Variants in RASAL2 observed in about 807,000 individuals in gnomAD.
RASAL2 encodes RAS protein activator like 2, also known as ras GTPase-activating protein nGAP.
A neutral mutation model predicts 128.9 loss-of-function variants in RASAL2; 58 were observed. That is an observed-to-expected ratio of 0.45 (90% CI 0.36 to 0.56). The LOEUF (loss-of-function observed/expected upper bound fraction) is 0.56. RASAL2 is among the 20% of genes least tolerant of loss of function. RASAL2 has a pLI of 0.00. For synonymous variants in RASAL2, 561 were observed against 580.8 expected, an observed-to-expected ratio of 0.97 and a Z score of 0.49; for missense variants, 1,360 against 1,601.6, an observed-to-expected ratio of 0.85 and a Z score of 2.57.
chr1:178,256,387 A>G (rs1015691681), intron 1 of RASAL2, among the ~76,000 whole-genome samples: 2 of 152,228 alleles, frequency 1.3e-5, no homozygotes, highest in African/African-American at 4.8e-5. Flanking sequence ...TACAGCTAAT[A>G]TCATACTTAA....
At chr1:178,207,498 T>C (rs1375405557) in intron 1 of RASAL2, among the ~76,000 whole-genome samples, 1 of 152,216 alleles carries the variant, frequency 6.6e-6, no homozygotes, top group Non-Finnish European at 1.5e-5. Flanking sequence ...TACTACGACA[T>C]TTTATGTAAA....
chr1:178,249,648 G>A (rs1664948728), intron 1 of RASAL2, among the ~76,000 whole-genome samples: 1 of 152,058 alleles, frequency 6.6e-6, no homozygotes, highest in African/African-American at 2.4e-5. Context: ...CAGCATTTTT[G>A]CTCTGGTTTT....
intron 1 of RASAL2, among the ~76,000 whole-genome samples, chr1:178,120,014 C>G (rs1300135172): frequency 1.3e-5 from 2 of 152,226 alleles, no homozygotes; most frequent in Admixed American, 1.3e-4. Context: ...GAATGATGCT[C>G]TCAGTGCAGA....
At chr1:178,434,663 G>A (rs1045822572) in intron 5 of RASAL2, among the ~76,000 whole-genome samples, 5 of 152,006 alleles carry the variant, frequency 3.3e-5, no homozygotes, top group African/African-American at 1.2e-4. Flanking sequence ...ACTACAGCAG[G>A]TAAACCAGCT....
At chr1:178,440,903 G>T (rs898856009) in intron 6 of RASAL2, among the ~76,000 whole-genome samples, 1 of 146,314 alleles carries the variant, frequency 6.8e-6, no homozygotes. Flanking sequence ...ACAGTCTCAA[G>T]AAATCTGATA....
At chr1:178,424,267 G>A (rs1675364381) in intron 5 of RASAL2, among the ~76,000 whole-genome samples, 1 of 151,214 alleles carries the variant, frequency 6.6e-6, no homozygotes, top group African/African-American at 2.4e-5. Flanking sequence ...TTTGGATACG[G>A]AGTCTCACTC....
chr1:178,122,086 C>G (rs1292577477), intron 1 of RASAL2, among the ~76,000 whole-genome samples: 1 of 152,102 alleles, frequency 6.6e-6, no homozygotes, highest in Non-Finnish European at 1.5e-5. Flanking sequence ...ATCTTGAAAA[C>G]AAAGGACATG....
intron 3 of RASAL2, among the ~76,000 whole-genome samples, chr1:178,354,638 T>C (rs769909438): frequency 3.3e-5 from 5 of 152,160 alleles, no homozygotes; most frequent in Non-Finnish European, 5.9e-5. Context: ...GATAACAAGA[T>C]CCATAAACAA....
intron 1 of RASAL2, among the ~76,000 whole-genome samples, chr1:178,192,732 G>A (rs903092909): frequency 1.3e-5 from 2 of 152,170 alleles, no homozygotes; most frequent in African/African-American, 4.8e-5. Context: ...TTTTTGATCT[G>A]TATCTAAGTA....
Position 178,197,613 on chromosome 1 carries a change from A to G in RASAL2, c.203-85951A>G, listed in dbSNP as rs1048447537. Among the ~76,000 whole-genome samples, 828 of 103,922 alleles carry G rather than the reference A, an allele frequency of 8.0e-3. 9 individuals carry two copies. The highest frequency in any genetic ancestry group is 0.04 in the African/African-American group (764 of 19,248). The allele number at this position is 103,922 out of a possible 152,430, so 68.2% of individuals were successfully genotyped here. On this transcript the variant is annotated intron_variant, in intron 1 of 17. Transcript: ENST00000367649. ...AACAGAGCTAGACTCCATCTGGGGA[A>G]AAAAAAAAAAAAAAAAAAGTTAAAC... is the stretch of plus-strand genomic sequence containing the variant.
At chr1:178,102,792 G>C (rs1658952875) in intron 1 of RASAL2, among the ~76,000 whole-genome samples, 2 of 152,148 alleles carry the variant, frequency 1.3e-5, no homozygotes, top group South Asian at 4.2e-4. Context: ...CTTCCTCCCT[G>C]CCTCTACAAC....
intron 3 of RASAL2, among the ~76,000 whole-genome samples, chr1:178,312,341 G>A (rs936818112): frequency 6.6e-6 from 1 of 152,072 alleles, no homozygotes; most frequent in African/African-American, 2.4e-5. Flanking sequence ...GAAAGGCTGC[G>A]GACTTACAAT....
intron 15 of RASAL2, 43 bp from the exon 16 acceptor site, chr1:178,465,877 C>G: frequency 7.4e-7 from 1 of 1,356,192 alleles, no homozygotes; most frequent in Non-Finnish European, 9.9e-7. Context: ...TTTCTAAAAG[C>G]AATGTGACTC....
rs557366527 is a variant in RASAL2 at position 178,135,352 on chromosome 1, C to G, written c.202+40658C>G. On this transcript the variant is annotated intron_variant, in intron 1 of 17. Transcript: ENST00000367649. ...TAAAGTTTATACTTTCTATTTTCAT[C>G]TAATTCCATTTTTTCCACAAACTTT... Among the ~76,000 whole-genome samples the G allele has an allele frequency of 5.0e-4, 76 of 152,132 alleles. 1 individual carries two copies. The highest frequency in any genetic ancestry group is 9.3e-4 in the Non-Finnish European group (63 of 67,976).
intron 5 of RASAL2, among the ~76,000 whole-genome samples, chr1:178,426,428 A>G (rs989445495): frequency 2.0e-5 from 3 of 152,146 alleles, no homozygotes; most frequent in African/African-American, 7.2e-5. Flanking sequence ...GTCAGCCGTG[A>G]TCGTGCCACT....
chr1:178,439,934 G>C (rs1027112436), intron 6 of RASAL2, among the ~76,000 whole-genome samples: 2 of 151,686 alleles, frequency 1.3e-5, no homozygotes, highest in Non-Finnish European at 2.9e-5. Flanking sequence ...CAGCATCAGT[G>C]GTTCAAGATC....
intron 3 of RASAL2, among the ~76,000 whole-genome samples, chr1:178,305,014 A>G (rs776867975): frequency 2.7e-4 from 41 of 152,322 alleles, no homozygotes; most frequent in Middle Eastern, 6.8e-3. Context: ...AACAGTGAAC[A>G]ATCTGAAAAA....
chr1:178,269,342 T>A (rs1341898692), intron 1 of RASAL2, among the ~76,000 whole-genome samples: 1 of 152,230 alleles, frequency 6.6e-6, no homozygotes, highest in Non-Finnish European at 1.5e-5. Context: ...TAAGGCAGCC[T>A]GAGCAGACTA....
chr1:178,381,784 G>C (rs1360301607), intron 3 of RASAL2, among the ~76,000 whole-genome samples: 1 of 151,710 alleles, frequency 6.6e-6, no homozygotes, highest in Non-Finnish European at 1.5e-5. Context: ...TACTAAATCA[G>C]TTACAGAAAA....
Sources: allele counts gnomAD v4.1 joint callset (sites outside exome capture counted in the v4.1 genomes callset), GRCh38; gene constraint gnomAD v4.1.1; transcripts MANE v1.5; gene names NCBI Gene and HGNC (gene_info 2026-07-23, HGNC 2026-07-21).